Variants in SGCZ observed in about 807,000 individuals in gnomAD.
SGCZ encodes the protein zeta-sarcoglycan.
In SGCZ, 40 loss-of-function variants were observed where a neutral mutation model predicts 41.3. That is an observed-to-expected ratio of 0.97 (90% confidence interval 0.75 to 1.26). The LOEUF (loss-of-function observed/expected upper bound fraction) is 1.26, where lower values mean the gene tolerates loss of function less well. Ranked by LOEUF, SGCZ falls within the 50% of genes most tolerant of loss-of-function variation. The probability of loss-of-function intolerance (pLI) is 0.00; values close to 1 mark genes in which losing one functional copy is unlikely to be tolerated. For synonymous variants in SGCZ, 206 were observed against 137.5 expected (o/e 1.50, Z -3.49); for missense variants, 552 against 369.8 (o/e 1.49, Z -4.04).
intron 3 of SGCZ, chr8:14,309,687 T>A: frequency 6.2e-7 from 1 of 1,610,052 alleles, no homozygotes; most frequent in South Asian, 1.1e-5. Context: ...AGACACCTTC[T>A]GAGTATTCTC....
intron 1 of SGCZ, among the ~76,000 whole-genome samples, chr8:14,875,277 C>T (rs1353724638): frequency 1.3e-5 from 2 of 152,114 alleles, no homozygotes; most frequent in African/African-American, 2.4e-5. Context: ...TTGTAAGGAA[C>T]TTTAGTCCTT....
intron 2 of SGCZ, among the ~76,000 whole-genome samples, chr8:14,417,635 A>T (rs1318057122): frequency 6.6e-6 from 1 of 151,888 alleles, no homozygotes. Context: ...GAATAAACAT[A>T]AAAATAACGA....
chr8:14,547,766 T>G (rs1177989937), intron 2 of SGCZ, among the ~76,000 whole-genome samples: 3 of 152,172 alleles, frequency 2.0e-5, no homozygotes, highest in Admixed American at 6.5e-5. Flanking sequence ...GAAGCTAGTC[T>G]TGGAGCCATA....
At chr8:14,738,334 C>T (rs2243910) in intron 1 of SGCZ, among the ~76,000 whole-genome samples, 151,640 of 152,176 alleles carry the variant, frequency 1, 75,557 homozygotes, top group Middle Eastern at 1. Flanking sequence ...GTTCCCTCTC[C>T]TTCATCATGT....
intron 1 of SGCZ, among the ~76,000 whole-genome samples, chr8:14,588,131 G>T (rs1410583996): frequency 6.6e-6 from 1 of 151,014 alleles, no homozygotes; most frequent in African/African-American, 2.4e-5. Context: ...TAAGAATTTT[G>T]TGTCTATGTT....
intron 1 of SGCZ, among the ~76,000 whole-genome samples, chr8:15,116,280 G>A (rs1393317469): frequency 6.6e-6 from 1 of 152,068 alleles, no homozygotes; most frequent in Non-Finnish European, 1.5e-5. Context: ...GCAGTATTTG[G>A]CTATATTAAC....
chr8:14,484,833 G>A (rs1486706337), intron 2 of SGCZ, among the ~76,000 whole-genome samples: 2 of 152,110 alleles, frequency 1.3e-5, no homozygotes, highest in East Asian at 1.9e-4. Context: ...TTAGCTCTAA[G>A]TTAAATGCAT....
At chr8:14,663,222 G>A (rs1024789336) in intron 1 of SGCZ, among the ~76,000 whole-genome samples, 3 of 151,996 alleles carry the variant, frequency 2.0e-5, no homozygotes, top group Admixed American at 1.3e-4. Flanking sequence ...CCTACCCCTT[G>A]GTATGATTTT....
At position 14,845,937 on chromosome 8, in the gene SGCZ, C is replaced by T. The variant is rs147935769; in HGVS notation, c.40-291011G>A. On this transcript the variant is annotated intron_variant, in intron 1 of 7. Coordinates refer to ENST00000382080, the MANE Select transcript of SGCZ (RefSeq NM_139167.4). The stretch of plus-strand genomic sequence containing the variant: ...AGTGGTCCTCAAAGAAGACTATTAG[C>T]GGGGATAAAAATGCATTTCTTGATG... Among the ~76,000 whole-genome samples the T allele has an allele frequency of 3.6e-4, 55 of 152,030 alleles. 1 individual carries two copies. The highest frequency in any genetic ancestry group is 1.2e-3 in the African/African-American group (49 of 41,456).
At chr8:14,824,854 C>G (rs1000650760) in intron 1 of SGCZ, among the ~76,000 whole-genome samples, 1 of 152,028 alleles carries the variant, frequency 6.6e-6, no homozygotes. Flanking sequence ...TTGCCTTGAA[C>G]AAACTCTTAC....
intron 1 of SGCZ, among the ~76,000 whole-genome samples, chr8:14,970,845 A>G (rs1484736787): frequency 1.3e-5 from 2 of 152,160 alleles, no homozygotes; most frequent in Non-Finnish European, 2.9e-5. Flanking sequence ...GTCAGTTAAT[A>G]TATTGATTGG....
intron 1 of SGCZ, among the ~76,000 whole-genome samples, chr8:14,877,150 T>C (rs189399881): frequency 5.9e-5 from 9 of 152,130 alleles, no homozygotes; most frequent in African/African-American, 2.2e-4. Context: ...ACTTTTGATA[T>C]TTTAGTAGAG....
Position 14,348,466 on chromosome 8 carries a change from T to C in SGCZ, c.235-24262A>G, listed in dbSNP as rs572443346. Among the ~76,000 whole-genome samples, 5 of 152,294 alleles carry C rather than the reference T, an allele frequency of 3.3e-5. No individual in the cohort carries two copies. The South Asian group carries it at 1.0e-3, about 32-fold the overall frequency. On this transcript the variant is annotated intron_variant, in intron 2 of 7. Transcript: ENST00000382080. ...CTCAGTAGACATATGTAACTACCAT[T>C]ATGCAGTATATTTGAGTCATATATA...
At chr8:14,104,464 C>G (rs546831192) in intron 6 of SGCZ, among the ~76,000 whole-genome samples, 1 of 151,822 alleles carries the variant, frequency 6.6e-6, no homozygotes, top group African/African-American at 2.4e-5. Context: ...CTCTAGAATT[C>G]TCAACATTCA....
At chr8:14,175,653 G>T (rs532138197) in intron 4 of SGCZ, among the ~76,000 whole-genome samples, 13 of 151,956 alleles carry the variant, frequency 8.6e-5, no homozygotes, top group African/African-American at 3.1e-4. Context: ...AAAACAACAT[G>T]CAATCCAAAA....
chr8:15,163,919 C>G (rs1799581514), intron 1 of SGCZ, among the ~76,000 whole-genome samples: 1 of 152,184 alleles, frequency 6.6e-6, no homozygotes. Context: ...GCCAGCCTGC[C>G]CACTGAGGTG....
At chr8:14,227,756 C>T (rs549002419) in intron 4 of SGCZ, among the ~76,000 whole-genome samples, 29 of 152,118 alleles carry the variant, frequency 1.9e-4, no homozygotes, top group African/African-American at 6.7e-4. Flanking sequence ...TCATTTTCTC[C>T]TCTTCCTTTG....
At chr8:14,866,779 C>T (rs1405325436) in intron 1 of SGCZ, among the ~76,000 whole-genome samples, 1 of 151,868 alleles carries the variant, frequency 6.6e-6, no homozygotes, top group Non-Finnish European at 1.5e-5. Context: ...GGAAAACACA[C>T]GGAGACCCTG....
intron 1 of SGCZ, among the ~76,000 whole-genome samples, chr8:14,577,223 A>G (rs1487588507): frequency 4.6e-5 from 7 of 152,174 alleles, no homozygotes; most frequent in Non-Finnish European, 1.5e-5. Flanking sequence ...ATAGATTACA[A>G]TAGATTAGTT....
Sources: allele counts gnomAD v4.1 joint callset (sites outside exome capture counted in the v4.1 genomes callset), GRCh38; gene constraint gnomAD v4.1.1; transcripts MANE v1.5; gene names NCBI Gene and HGNC (gene_info 2026-07-23, HGNC 2026-07-21).